The following B3GALT1 variants were observed in gnomAD, a reference collection of about 807,000 sequenced individuals.
The protein encoded by B3GALT1 is UDP-Gal:betaGlcNAc beta 1,3-galactosyltransferase, polypeptide 1.
B3GALT1 carries 10 observed loss-of-function variants against 23.2 expected under a neutral mutation model. The observed-to-expected ratio is 0.43, with a 90% confidence interval of 0.27 to 0.73. The LOEUF (loss-of-function observed/expected upper bound fraction) is 0.73. B3GALT1 is among the 30% of genes least tolerant of loss of function. The pLI is 0.21. For synonymous variants in B3GALT1, 156 were observed against 141.5 expected (o/e 1.10, Z -0.73); for missense variants, 299 against 405.4 (o/e 0.74, Z 2.25).
At chr2:167,535,042 C>T (rs773099175) in intron 2 of B3GALT1, among the ~76,000 whole-genome samples, 83 of 152,152 alleles carry the variant, frequency 5.5e-4, no homozygotes, top group Admixed American at 7.2e-4. Context: ...CCAAGGGTCA[C>T]TTCTAGGACC....
intron 1 of B3GALT1, among the ~76,000 whole-genome samples, chr2:167,413,784 A>C (rs918352380): frequency 6.6e-6 from 1 of 151,712 alleles, no homozygotes; most frequent in African/African-American, 2.4e-5. Context: ...CTGTTTTATT[A>C]GGTTTTTTTC....
chr2:167,859,402 G>C (rs980075774), intron 4 of B3GALT1, among the ~76,000 whole-genome samples: 44 of 152,184 alleles, frequency 2.9e-4, no homozygotes, highest in African/African-American at 1.0e-3. Flanking sequence ...TTGATTTGAA[G>C]AAAGCTATAA....
At chr2:167,822,395 G>T (rs1689126561) in intron 4 of B3GALT1, among the ~76,000 whole-genome samples, 1 of 152,136 alleles carries the variant, frequency 6.6e-6, no homozygotes, top group Admixed American at 6.5e-5. Context: ...AATTAACACA[G>T]TCTTGAAAGT....
intron 1 of B3GALT1, among the ~76,000 whole-genome samples, chr2:167,379,507 G>C (rs73019802): frequency 0.031 from 4,764 of 152,144 alleles, 249 homozygotes; most frequent in African/African-American, 0.11. Context: ...TTCTACAGCC[G>C]TGTGCACTTC....
Position 167,406,696 on chromosome 2 carries a change from G to C in B3GALT1, c.-510-83481G>C, listed in dbSNP as rs529717082. Among the ~76,000 whole-genome samples, 18 of 152,256 alleles carry C rather than the reference G, an allele frequency of 1.2e-4. No individual in the cohort carries two copies. The South Asian group carries it at 3.3e-3, about 28-fold the overall frequency. ...CTGCGGACAGGCAGAGACAAAGGAG[G>C]GGGCAGGACTGACATTCCCAGCCAT... On this transcript the variant is annotated intron_variant, in intron 1 of 4. Transcript: ENST00000392690.
intron 4 of B3GALT1, among the ~76,000 whole-genome samples, chr2:167,839,013 T>C (rs1184101506): frequency 6.6e-6 from 1 of 152,264 alleles, no homozygotes; most frequent in Non-Finnish European, 1.5e-5. Context: ...AATTAGGTAT[T>C]GATGGGACGT....
chr2:167,610,032 G>A (rs1207459213), intron 2 of B3GALT1, among the ~76,000 whole-genome samples: 1 of 152,016 alleles, frequency 6.6e-6, no homozygotes, highest in Non-Finnish European at 1.5e-5. Flanking sequence ...AATATATAGT[G>A]CTAAACTTTT....
chr2:167,786,854 G>A (rs898063957), intron 3 of B3GALT1, among the ~76,000 whole-genome samples: 7 of 152,164 alleles, frequency 4.6e-5, no homozygotes, highest in Non-Finnish European at 5.9e-5. Context: ...CACTCCATGC[G>A]TGAGTCCATT....
intron 1 of B3GALT1, among the ~76,000 whole-genome samples, chr2:167,489,631 C>G (rs1010152584): frequency 1.3e-5 from 2 of 152,070 alleles, no homozygotes; most frequent in African/African-American, 2.4e-5. Context: ...CACTGGCTCA[C>G]GTCAGTATTA....
chr2:167,667,777 G>A (rs775391171), intron 3 of B3GALT1, among the ~76,000 whole-genome samples: 1 of 152,108 alleles, frequency 6.6e-6, no homozygotes, highest in African/African-American at 2.4e-5. Context: ...CGTAGTTCTC[G>A]AGCCTTGGTT....
At chr2:167,312,516 G>A (rs79733114) in intron 1 of B3GALT1, among the ~76,000 whole-genome samples, 6,911 of 151,866 alleles carry the variant, frequency 0.046, 214 homozygotes, top group East Asian at 0.12. Context: ...CAGTCTAAAA[G>A]AGAACAAAAA....
chr2:167,520,972 C>T, intron 2 of B3GALT1, among the ~76,000 whole-genome samples: 1 of 152,020 alleles, frequency 6.6e-6, no homozygotes, highest in Non-Finnish European at 1.5e-5. Context: ...AGGGCACAAA[C>T]AAGATTAACT....
At chr2:167,674,954 G>A (rs1464498085) in intron 3 of B3GALT1, among the ~76,000 whole-genome samples, 2 of 152,142 alleles carry the variant, frequency 1.3e-5, no homozygotes, top group Admixed American at 1.3e-4. Flanking sequence ...TTTTGACTGG[G>A]TTTCAAGACA....
intron 4 of B3GALT1, among the ~76,000 whole-genome samples, chr2:167,864,152 T>C (rs1252252787): frequency 1.3e-5 from 2 of 152,172 alleles, no homozygotes; most frequent in African/African-American, 2.4e-5. Context: ...TCATCCCTTT[T>C]TGCACTTTTT....
intron 2 of B3GALT1, among the ~76,000 whole-genome samples, chr2:167,490,604 T>C: frequency 6.6e-6 from 1 of 152,186 alleles, no homozygotes; most frequent in East Asian, 1.9e-4. Flanking sequence ...AAAATGGTAA[T>C]ATTCCTAGGA....
intron 3 of B3GALT1, among the ~76,000 whole-genome samples, chr2:167,647,519 A>C (rs774088917): frequency 5.9e-5 from 9 of 152,002 alleles, no homozygotes; most frequent in Non-Finnish European, 1.3e-4. Flanking sequence ...ATTTTTCCAG[A>C]GTATCCTTAA....
At chr2:167,390,947 C>A (rs73021749) in intron 1 of B3GALT1, among the ~76,000 whole-genome samples, 3,091 of 152,276 alleles carry the variant, frequency 0.02, 111 homozygotes, top group African/African-American at 0.071. Flanking sequence ...TCTTGACCAT[C>A]ATTCTCATTT....
rs1269630443 is a variant in B3GALT1 at position 167,869,735 on chromosome 2, C to T, written c.696C>T (p.Tyr232=). 7 of 1,614,070 alleles carry T rather than the reference C, an allele frequency of 4.3e-6. No individual in the cohort carries two copies. The Admixed American group carries it at 1.2e-4, about 27-fold the overall frequency. ...MPRDLYPDSN[Y]PPFCSGTGYI... Reference sequence around the variant, plus strand: ...GGGATTTGTACCCAGACAGTAACTACCCACCTTTCTGTTCGGGGACTGGCT... The same window carrying T: ...GGGATTTGTACCCAGACAGTAACTATCCACCTTTCTGTTCGGGGACTGGCT... Residue 232 remains tyrosine (Y), a synonymous_variant, in exon 5 of 5, where the codon TAC becomes TAT. Coordinates refer to ENST00000392690, the MANE Select transcript of B3GALT1 (RefSeq NM_020981.4). This position sits in a 1 kb window ranked among gnomAD's most constrained non-coding sequence, Gnocchi z 6.4.
At chr2:167,731,129 A>T (rs1687403066) in intron 3 of B3GALT1, among the ~76,000 whole-genome samples, 1 of 152,218 alleles carries the variant, frequency 6.6e-6, no homozygotes, top group Non-Finnish European at 1.5e-5. Context: ...CTGGTTCTGT[A>T]ACCAGCCTTA....
Sources: gnomAD v4.1 joint callset for allele counts (sites outside exome capture counted in the v4.1 genomes callset) on GRCh38, gnomAD v4.1.1 for gene constraint, Gnocchi (gnomAD v3.1) non-coding constraint, MANE v1.5 for transcripts, NCBI Gene and HGNC (gene_info 2026-07-23, HGNC 2026-07-21) for gene names.